Variants in PSMD11 observed in about 807,000 individuals in gnomAD.
PSMD11 encodes 26S proteasome non-ATPase regulatory subunit 11.
Under a neutral mutation model 62.3 loss-of-function variants are expected in PSMD11, and 5 were observed. That is an observed-to-expected ratio of 0.08 (90% CI 0.04 to 0.17). PSMD11 has a LOEUF of 0.17. Ranked by LOEUF, PSMD11 falls within the 10% of genes least tolerant of loss-of-function variation. The pLI is 1.00. For missense variants in PSMD11, 310 were observed against 512.9 expected, an observed-to-expected ratio of 0.60 and a Z score of 3.82; for synonymous variants, 191 against 191.8, an observed-to-expected ratio of 1.00 and a Z score of 0.03.
At chr17:32,468,695 A>G (rs1028596830) in intron 5 of PSMD11, among the ~76,000 whole-genome samples, 128 of 152,330 alleles carry the variant, frequency 8.4e-4, no homozygotes, top group African/African-American at 3.0e-3. Flanking sequence ...TGAACTGGAT[A>G]ACTAGATTTA....
At chr17:32,457,471 A>G (rs963833782) in intron 3 of PSMD11, among the ~76,000 whole-genome samples, 1 of 152,054 alleles carries the variant, frequency 6.6e-6, no homozygotes, top group Non-Finnish European at 1.5e-5. Context: ...TCCTAGTCTC[A>G]AATGATCTGC....
chr17:32,455,076 G>A (rs564105366), intron 3 of PSMD11, among the ~76,000 whole-genome samples: 2 of 152,290 alleles, frequency 1.3e-5, no homozygotes, highest in East Asian at 1.9e-4. Flanking sequence ...TGGTGTTCCT[G>A]TATGTGTCCC....
chr17:32,473,305 T>G (rs373102160), intron 6 of PSMD11, among the ~76,000 whole-genome samples: 1 of 151,150 alleles, frequency 6.6e-6, no homozygotes, highest in Non-Finnish European at 1.5e-5. Context: ...AGACGGAAGT[T>G]TGCCCTTGTT....
chr17:32,455,398 A>C (rs1907619669), intron 3 of PSMD11, among the ~76,000 whole-genome samples: 1 of 152,234 alleles, frequency 6.6e-6, no homozygotes, highest in Non-Finnish European at 1.5e-5. Context: ...CACTGTTGTC[A>C]TGAGGATTAT....
At chr17:32,444,814 C>T (rs981284434) in intron 1 of PSMD11, 200 bp downstream of exon 1, 6 of 606,258 alleles carry the variant, frequency 9.9e-6, no homozygotes, top group Non-Finnish European at 1.4e-5. Flanking sequence ...TTGAGGCAAT[C>T]CCCGGGTCCC....
At chr17:32,472,129 A>G (rs1203981971) in intron 6 of PSMD11, among the ~76,000 whole-genome samples, 1 of 151,982 alleles carries the variant, frequency 6.6e-6, no homozygotes, top group Non-Finnish European at 1.5e-5. Flanking sequence ...TGGCCTCCCA[A>G]AGTGTTGAGA....
intron 4 of PSMD11, 29 bp downstream of exon 4, chr17:32,464,149 G>A (rs1288184945): frequency 1.3e-6 from 2 of 1,579,876 alleles, no homozygotes; most frequent in Non-Finnish European, 1.7e-6. Context: ...CTCATTTCAG[G>A]TCTCTAAGCA....
At chr17:32,445,785 CA>C (rs1210635840) in intron 1 of PSMD11, 1 of 152,186 alleles carries the variant, frequency 6.6e-6, no homozygotes, top group Non-Finnish European at 1.5e-5. Flanking sequence ...AGGACAATGA[CA>C]AGATCTTGAT....
rs527419676 is a variant in PSMD11 at position 32,469,289 on chromosome 17, G to T, written c.643+96G>T. On this transcript the variant is annotated intron_variant, in intron 6 of 13. Transcript: ENST00000261712. ...GGGTTGGGGCTGGAGAATAAAATTGGCTGATTTGGCTCTAGCTTCTTCAGA... is the reference window on the plus strand; with the variant it reads ...GGGTTGGGGCTGGAGAATAAAATTGTCTGATTTGGCTCTAGCTTCTTCAGA... The T allele has an allele frequency of 8.2e-5, 107 of 1,299,954 alleles. No individual in the cohort carries two copies. The African/African-American group carries it at 1.5e-3, about 18-fold the overall frequency. The allele number at this position is 1,299,954 out of a possible 1,614,324, so 80.5% of individuals were successfully genotyped here. A position where few individuals can be genotyped will look rare whatever the true frequency, so the allele number is the denominator to read the frequency against.
chr17:32,444,911 T>G, intron 1 of PSMD11: 1 of 472,692 alleles, frequency 2.1e-6, no homozygotes, highest in Non-Finnish European at 3.7e-6. Flanking sequence ...CCTAGCCATG[T>G]CCCCGGCTCT....
chr17:32,463,127 C>A (rs1284513198), intron 3 of PSMD11, among the ~76,000 whole-genome samples: 2 of 152,172 alleles, frequency 1.3e-5, no homozygotes, highest in African/African-American at 2.4e-5. Flanking sequence ...TTGCAGTAAC[C>A]AAAGTGATAG....
rs1908468401 is a variant in PSMD11 at position 32,480,867 on chromosome 17, T to C, written c.*115T>C. 1 of 454,132 alleles carries C rather than the reference T, an allele frequency of 2.2e-6. No homozygotes were observed. Among genetic ancestry groups the C allele is most frequent in the Admixed American group, 3.8e-5 (1 of 25,976 alleles). The allele number at this position is 454,132 out of a possible 1,614,324, so 28.1% of individuals were successfully genotyped here. On this transcript the variant is annotated 3_prime_UTR_variant, in exon 14 of 14. Transcript: ENST00000261712. ...GTTCTACTTTTCGCTCGGAAAGTTT[T>C]TAAATCCTCATTTGGTGCATCTGTA...
At chr17:32,449,558 TC>T (rs1165058881) in intron 2 of PSMD11, among the ~76,000 whole-genome samples, 2 of 152,210 alleles carry the variant, frequency 1.3e-5, no homozygotes, top group Admixed American at 6.5e-5. Context: ...ATATGTATTC[TC>T]CCCTTATTTC....
chr17:32,478,907 T>G (rs1908409181), intron 9 of PSMD11, among the ~76,000 whole-genome samples: 1 of 152,166 alleles, frequency 6.6e-6, no homozygotes, highest in African/African-American at 2.4e-5. Context: ...TTTGTATTTT[T>G]TTTTTCTCTT....
At chr17:32,457,070 C>G (rs1025946546) in intron 3 of PSMD11, among the ~76,000 whole-genome samples, 1 of 152,162 alleles carries the variant, frequency 6.6e-6, no homozygotes, top group Admixed American at 6.5e-5. Flanking sequence ...CATATGGCTC[C>G]CTGACTGGTT....
chr17:32,454,522 G>T lies in PSMD11; in HGVS notation c.221G>T (p.Arg74Leu). ...AELGGLLKYV[R>L]PFLNSISKAK... ...CTTGGAGGACTCCTGAAGTATGTAC[G>T]ACCCTTCTTGAATTCCATCAGCAAG... The change falls in exon 3 of 14, where the codon CGA becomes CTA. Residue 74 changes from arginine (R) to leucine (L), a missense_variant. By Grantham distance (102) the Arg-to-Leu change is moderately radical. This residue lies in a region of PSMD11 where 50 missense variants were observed against 94.4 expected (regional missense o/e 0.53). Transcript: ENST00000261712. 1 of 1,613,802 alleles carries T rather than the reference G, an allele frequency of 6.2e-7. No homozygotes were observed. Among genetic ancestry groups the T allele is most frequent in the South Asian group, 1.1e-5 (1 of 91,040 alleles).
chr17:32,462,607 C>CT (rs1159718679), intron 3 of PSMD11, among the ~76,000 whole-genome samples: 1 of 152,188 alleles, frequency 6.6e-6, no homozygotes, highest in East Asian at 1.9e-4. Flanking sequence ...ATTTACAGAG[C>CT]TAGAATTTAG....
chr17:32,444,657 T>G (rs772150373), intron 1 of PSMD11, 43 bp downstream of exon 1: 6 of 1,602,972 alleles, frequency 3.7e-6, no homozygotes, highest in Non-Finnish European at 5.1e-6. Context: ...CCGGCCCAGC[T>G]CGGCTTATGT....
rs776257693 is a variant in PSMD11, at chr17:32,479,329, C to T, written c.991C>T (p.Leu331=). Reference sequence around the variant, plus strand: ...CTTGGCCAAGTTGTATGATAACTTACTAGAACAGAATCTGATCCGAGTCAT... The same window carrying T: ...CTTGGCCAAGTTGTATGATAACTTATTAGAACAGAATCTGATCCGAGTCAT... The part of the protein sequence containing the change: ...THLAKLYDNL[L]EQNLIRVIEP... Residue 331 remains leucine, a synonymous_variant, in exon 10 of 14, where the codon CTA becomes TTA. Transcript: ENST00000261712. 1.5e-5 allele frequency: 25 copies of T among 1,614,198 alleles called. No individual in the cohort carries two copies. The South Asian group carries it at 2.5e-4, about 16-fold the overall frequency.
Sources: allele counts gnomAD v4.1 joint callset (sites outside exome capture counted in the v4.1 genomes callset), GRCh38; gene constraint gnomAD v4.1.1; regional missense constraint gnomAD v4.1.1; transcripts MANE v1.5; gene names NCBI Gene and HGNC (gene_info 2026-07-23, HGNC 2026-07-21).